The following AHCY variants were observed in gnomAD, a reference collection of about 807,000 sequenced individuals.
AHCY encodes the protein S-adenosyl-L-homocysteine hydrolase.
AHCY carries 24 observed loss-of-function variants against 45.4 expected under a neutral mutation model. The ratio of observed to expected loss-of-function variants is 0.53; its 90% CI spans 0.38 to 0.74. AHCY has a LOEUF of 0.74. Ranked by LOEUF, AHCY falls within the 30% of genes least tolerant of loss-of-function variation. The probability of loss-of-function intolerance (pLI) is 0.00; values close to 1 mark genes in which losing one functional copy is unlikely to be tolerated. For missense variants in AHCY, 449 were observed against 594.1 expected, an observed-to-expected ratio of 0.76 and a Z score of 2.54; for synonymous variants, 245 against 235.1, an observed-to-expected ratio of 1.04 and a Z score of -0.39.
In AHCY at chr20:34,290,714, C is replaced by T; in HGVS notation, c.766+17G>A. 6.2e-7 allele frequency: 1 copy of T among 1,613,782 alleles called. No individual in the cohort carries two copies. The highest frequency in any genetic ancestry group is 1.6e-4 in the Middle Eastern group (1 of 6,062). ...TCTGGCCCCAGTGGCTGACAACCAA[C>T]CCTTGCCCTATCCTACCCTCCATGG... On this transcript the variant is annotated intron_variant, in intron 6 of 9. Transcript: ENST00000217426. This position sits in a 1 kb window ranked among gnomAD's most constrained non-coding sequence, Gnocchi z 4.5.
At chr20:34,247,645 G>C in the AHCY span, among the ~76,000 whole-genome samples, 1 of 151,350 alleles carries the variant, frequency 6.6e-6, no homozygotes, top group African/African-American at 2.4e-5. Flanking sequence ...GTCTCATTCT[G>C]TTCCCCAAAC....
the AHCY span, among the ~76,000 whole-genome samples, chr20:34,261,918 G>C: frequency 1.3e-5 from 2 of 152,078 alleles, no homozygotes; most frequent in African/African-American, 4.8e-5. Flanking sequence ...TTTGAGACCA[G>C]CCTGGCCAAC....
At chr20:34,271,352 C>T in the AHCY span, among the ~76,000 whole-genome samples, 2 of 152,192 alleles carry the variant, frequency 1.3e-5, no homozygotes, top group African/African-American at 4.8e-5. Context: ...ACATTTGTGA[C>T]TCAGAGTTAT....
At chr20:34,289,082 C>A (rs575474184) in intron 8 of AHCY, among the ~76,000 whole-genome samples, 1 of 152,188 alleles carries the variant, frequency 6.6e-6, no homozygotes, top group Non-Finnish European at 1.5e-5. Flanking sequence ...CGGCTCACTG[C>A]AACCTCTGCC....
the AHCY span, among the ~76,000 whole-genome samples, chr20:34,257,070 C>CT: frequency 0.31 from 43,260 of 139,256 alleles, 6,340 homozygotes; most frequent in Admixed American, 0.48. Context: ...CTTTCTTTCT[C>CT]TTTTTTTTTT....
the AHCY span, among the ~76,000 whole-genome samples, chr20:34,260,873 T>C: frequency 2.6e-5 from 4 of 152,182 alleles, no homozygotes; most frequent in African/African-American, 4.8e-5. Context: ...CCAGAACATA[T>C]GCAAGTCTGG....
At chr20:34,293,163 T>G (rs1274116694) in intron 3 of AHCY, among the ~76,000 whole-genome samples, 3 of 152,118 alleles carry the variant, frequency 2.0e-5, no homozygotes, top group African/African-American at 7.2e-5. Context: ...CCATGACCAT[T>G]ATCATCACTT....
intron 8 of AHCY, among the ~76,000 whole-genome samples, chr20:34,287,464 C>T (rs2036226601): frequency 6.8e-6 from 1 of 146,848 alleles, no homozygotes. Context: ...GATCTCAGCT[C>T]ACTGCAACCT....
intron 1 of AHCY, chr20:34,302,550 T>A: frequency 1.1e-6 from 1 of 924,714 alleles, no homozygotes; most frequent in Non-Finnish European, 1.3e-6. Context: ...GAGACTAGAA[T>A]AAAGCTAGAA....
the AHCY span, among the ~76,000 whole-genome samples, chr20:34,260,845 CAAACTTCAGGA>C: frequency 3.3e-5 from 5 of 152,174 alleles, no homozygotes; most frequent in African/African-American, 1.2e-4. Flanking sequence ...TCAACAGTAA[CAAACTTCAGGA>C]AATGCTCCAG....
chr20:34,300,402 T>G (rs2036729717), intron 1 of AHCY, among the ~76,000 whole-genome samples: 1 of 152,136 alleles, frequency 6.6e-6, no homozygotes, highest in Non-Finnish European at 1.5e-5. Context: ...TCGGGCCCTA[T>G]CTGCATGACT....
chr20:34,242,513 G>A, the AHCY span, among the ~76,000 whole-genome samples: 3 of 152,160 alleles, frequency 2.0e-5, no homozygotes, highest in South Asian at 2.1e-4. Flanking sequence ...GATTACAGGC[G>A]TGAGCCACAG....
At chr20:34,253,028 T>G in the AHCY span, among the ~76,000 whole-genome samples, 8 of 152,230 alleles carry the variant, frequency 5.3e-5, no homozygotes, top group Admixed American at 1.3e-4. Flanking sequence ...GAAACAATTT[T>G]TCTTAGTACA....
chr20:34,235,862 A>G, the AHCY span, among the ~76,000 whole-genome samples: 1 of 54,948 alleles, frequency 1.8e-5, no homozygotes, highest in African/African-American at 2.3e-4. Flanking sequence ...GGAAGGAAGG[A>G]AGGAAAGGAA....
At position 34,290,394 on chromosome 20, in the gene AHCY, C is replaced by G; in HGVS notation, c.910G>C (p.Val304Leu). 6.2e-7 allele frequency: 1 copy of G among 1,614,208 alleles called. No individual in the cohort carries two copies. Among genetic ancestry groups the G allele is most frequent in the Non-Finnish European group, 8.5e-7 (1 of 1,180,042 alleles). The change falls in exon 8 of 10, where the codon GTG (valine) becomes CTG (leucine). Residue 304 changes from valine to leucine, a missense_variant. Coordinates refer to ENST00000217426, the MANE Select transcript of AHCY (RefSeq NM_000687.4). This position sits in a 1 kb window ranked among gnomAD's most constrained non-coding sequence, Gnocchi z 4.5. ...AIVCNIGHFD[V>L]EIDVKWLNEN... ...TTGAGCCACTTGACATCGATCTCCA[C>G]GTCAAAGTGTCCAATGTTACACACA...
At chr20:34,248,541 G>T in the AHCY span, among the ~76,000 whole-genome samples, 1 of 152,106 alleles carries the variant, frequency 6.6e-6, no homozygotes, top group Non-Finnish European at 1.5e-5. Flanking sequence ...GATGGCTCAC[G>T]CTTGTAATTC....
At chr20:34,306,801 A>T (rs941902690), upstream of AHCY, among the ~76,000 whole-genome samples, 6 of 152,222 alleles carry the variant, frequency 3.9e-5, no homozygotes, top group Non-Finnish European at 8.8e-5. Context: ...TGAGTGACAA[A>T]AACCAATTCC....
chr20:34,294,278 G>T, intron 2 of AHCY, 122 bp from the exon 3 acceptor site: 1 of 886,022 alleles, frequency 1.1e-6, no homozygotes, highest in Non-Finnish European at 1.8e-6. Context: ...GGCACAGCAA[G>T]CTCTAGGATC....
At chr20:34,258,728 T>C in the AHCY span, among the ~76,000 whole-genome samples, 4 of 75,030 alleles carry the variant, frequency 5.3e-5, no homozygotes, top group Non-Finnish European at 1.0e-4. Context: ...TTATAAAATA[T>C]ATATAGTATA....
Sources: allele counts gnomAD v4.1 joint callset (sites outside exome capture counted in the v4.1 genomes callset), GRCh38; gene constraint gnomAD v4.1.1; non-coding constraint Gnocchi (gnomAD v3.1); transcripts MANE v1.5; gene names NCBI Gene and HGNC (gene_info 2026-07-23, HGNC 2026-07-21).